NBAS: variants seen among roughly 807,000 people sequenced by gnomAD.
NBAS encodes NAG/BC035112 fusion.
Under a neutral mutation model 302.5 loss-of-function variants are expected in NBAS, and 219 were observed. The observed-to-expected ratio is 0.72, with a 90% CI of 0.65 to 0.81. The LOEUF (loss-of-function observed/expected upper bound fraction) is 0.81. NBAS is among the 30% of genes least tolerant of loss of function. The probability of loss-of-function intolerance (pLI) is 0.00; values close to 1 mark genes in which losing one functional copy is unlikely to be tolerated. For synonymous variants in NBAS, 1,118 were observed against 1,021.6 expected, an observed-to-expected ratio of 1.09 and a Z score of -1.80; for missense variants, 2,932 against 2,841.6, an observed-to-expected ratio of 1.03 and a Z score of -0.72.
chr2:15,528,503 T>C (rs1663040170), intron 9 of NBAS, among the ~76,000 whole-genome samples: 1 of 93,276 alleles, frequency 1.1e-5, no homozygotes, highest in Admixed American at 1.1e-4. Context: ...TGTATATATA[T>C]ACATATATAC....
chr2:15,042,592 A>C, the NBAS span, among the ~76,000 whole-genome samples: 2 of 152,210 alleles, frequency 1.3e-5, no homozygotes, highest in Non-Finnish European at 2.9e-5. Flanking sequence ...GATGACCCAG[A>C]CTGAAACTAG....
chr2:15,032,078 A>C, the NBAS span, among the ~76,000 whole-genome samples: 2 of 152,090 alleles, frequency 1.3e-5, no homozygotes, highest in African/African-American at 4.8e-5. Flanking sequence ...TCCTGACCAC[A>C]CTCTAAAATC....
the NBAS span, among the ~76,000 whole-genome samples, chr2:14,846,957 T>C: frequency 3.3e-5 from 5 of 152,020 alleles, no homozygotes; most frequent in African/African-American, 4.8e-5. Context: ...AAGAATAAGT[T>C]CTCACTTATC....
intron 44 of NBAS, among the ~76,000 whole-genome samples, chr2:15,245,152 C>G: frequency 6.6e-6 from 1 of 152,292 alleles, no homozygotes; most frequent in Admixed American, 6.5e-5. Context: ...TGCTCAAATC[C>G]GTGTAATGGC....
the NBAS span, among the ~76,000 whole-genome samples, chr2:15,066,504 C>T: frequency 9.7e-4 from 147 of 152,128 alleles, no homozygotes; most frequent in Middle Eastern, 3.4e-3. Context: ...AATCATATGA[C>T]GCAAGAGCAA....
chr2:15,008,140 C>T, the NBAS span, among the ~76,000 whole-genome samples: 1 of 152,182 alleles, frequency 6.6e-6, no homozygotes, highest in East Asian at 1.9e-4. Flanking sequence ...GCAATGACAA[C>T]CCACAGAGGT....
chr2:14,929,687 A>T, the NBAS span, among the ~76,000 whole-genome samples: 63 of 149,674 alleles, frequency 4.2e-4, no homozygotes, highest in African/African-American at 1.3e-3. Context: ...CCAACAGTAA[A>T]TTTTTTTTTT....
chr2:15,274,965 T>C (rs561419416), intron 44 of NBAS, among the ~76,000 whole-genome samples: 5 of 150,130 alleles, frequency 3.3e-5, no homozygotes, highest in Admixed American at 6.7e-5. Flanking sequence ...TTTCTTCTAG[T>C]AGAGATGGGA....
the NBAS span, among the ~76,000 whole-genome samples, chr2:14,928,030 CTTTA>C: frequency 1.5e-4 from 23 of 152,286 alleles, no homozygotes; most frequent in East Asian, 4.4e-3. Flanking sequence ...CTGCTTTCCA[CTTTA>C]TTTATTTTCC....
chr2:15,327,691 G>T, intron 38 of NBAS, 59 bp downstream of exon 38: 1 of 1,599,364 alleles, frequency 6.3e-7, no homozygotes, highest in South Asian at 1.1e-5. Flanking sequence ...ACAAATTTTT[G>T]GTTAACAATG....
At chr2:15,162,229 C>T (rs73194909), downstream of NBAS, among the ~76,000 whole-genome samples, 2 of 152,340 alleles carry the variant, frequency 1.3e-5, no homozygotes, top group East Asian at 3.9e-4. Flanking sequence ...AGACAACACG[C>T]ATCCCATCTG....
chr2:15,186,071 C>T (rs552750033), intron 50 of NBAS, among the ~76,000 whole-genome samples: 3 of 138,392 alleles, frequency 2.2e-5, no homozygotes, highest in African/African-American at 9.0e-5. Flanking sequence ...TCTCTCCATA[C>T]ATACATATAT....
chr2:15,379,398 C>T (rs1186800518), intron 30 of NBAS, among the ~76,000 whole-genome samples: 2 of 138,008 alleles, frequency 1.4e-5, no homozygotes, highest in African/African-American at 5.7e-5. Flanking sequence ...TGGGAAAGCG[C>T]GCTGGAGAAA....
At chr2:15,361,438 G>A (rs955741116) in intron 32 of NBAS, among the ~76,000 whole-genome samples, 18 of 151,128 alleles carry the variant, frequency 1.2e-4, no homozygotes, top group African/African-American at 2.4e-4. Flanking sequence ...ATTTGAACCC[G>A]GGAGGCAGAG....
In NBAS at chr2:15,330,777, A is replaced by G. The variant is rs1672301085; in HGVS notation, c.4180-12T>C. On this transcript the variant is annotated splice_polypyrimidine_tract_variant and intron_variant, in intron 35 of 51. Coordinates refer to ENST00000281513, the MANE Select transcript of NBAS (RefSeq NM_015909.4). ...ACACCTACTTCATCCTGTATTAAAG[A>G]AACAAAATAGCAAGGGCAAAAATGC... 6.2e-7 allele frequency: 1 copy of G among 1,612,900 alleles called. No homozygotes were observed. The highest frequency in any genetic ancestry group is 2.2e-5 in the East Asian group (1 of 44,850).
the NBAS span, among the ~76,000 whole-genome samples, chr2:15,078,957 C>A: frequency 1.3e-5 from 2 of 152,042 alleles, no homozygotes; most frequent in African/African-American, 4.8e-5. Context: ...GTAAAAAAAG[C>A]AGAATGAACT....
chr2:15,336,144 T>C (rs565271304), intron 35 of NBAS, among the ~76,000 whole-genome samples: 2 of 152,256 alleles, frequency 1.3e-5, no homozygotes, highest in East Asian at 3.9e-4. Context: ...AAAGATGTTC[T>C]AAGTTTTCCT....
chr2:14,790,444 A>G, the NBAS span, among the ~76,000 whole-genome samples: 2 of 152,168 alleles, frequency 1.3e-5, no homozygotes, highest in African/African-American at 4.8e-5. Context: ...TCTGTTTTGC[A>G]ATGTAAAAGC....
the NBAS span, among the ~76,000 whole-genome samples, chr2:15,105,185 A>G: frequency 6.6e-6 from 1 of 152,048 alleles, no homozygotes; most frequent in African/African-American, 2.4e-5. Context: ...GCATGTTCTC[A>G]CTCATAATTG....
Sources: gnomAD v4.1 joint callset for allele counts (sites outside exome capture counted in the v4.1 genomes callset) on GRCh38, gnomAD v4.1.1 for gene constraint, MANE v1.5 for transcripts, NCBI Gene and HGNC (gene_info 2026-07-23, HGNC 2026-07-21) for gene names.